PHACTR4: variants seen among roughly 807,000 people sequenced by gnomAD.
PHACTR4 encodes protein phosphatase 1, regulatory subunit 124.
PHACTR4 carries 51 observed loss-of-function variants against 72.7 expected under a neutral mutation model. The observed-to-expected ratio is 0.70, with a 90% CI of 0.56 to 0.89. PHACTR4 has a LOEUF of 0.89. Among genes scored for constraint, PHACTR4 ranks in the 40% least tolerant of loss-of-function variants. The probability of loss-of-function intolerance (pLI) is 0.00; values close to 1 mark genes in which losing one functional copy is unlikely to be tolerated. For missense variants in PHACTR4, 731 were observed against 861.8 expected (o/e 0.85, Z 1.90); for synonymous variants, 255 against 302.5 (o/e 0.84, Z 1.63).
chr1:28,485,417 T>C (rs1301635740), intron 9 of PHACTR4, among the ~76,000 whole-genome samples: 2 of 151,324 alleles, frequency 1.3e-5, no homozygotes, highest in East Asian at 3.9e-4. Context: ...TGAAACCCCA[T>C]CTCTACTAAA....
At chr1:28,465,644 A>G (rs2124482748) in intron 4 of PHACTR4, 41 bp from the exon 5 acceptor site, 1 of 1,573,914 alleles carries the variant, frequency 6.4e-7, no homozygotes, top group Non-Finnish European at 8.6e-7. Flanking sequence ...CTATCTGTTC[A>G]TGCCAACTTC....
Position 28,481,811 on chromosome 1 carries a change from A to G in PHACTR4, c.1760+1207A>G, listed in dbSNP as rs111352709. ...TCTAAAAAAAAAAAAAAGAAAAGAA[A>G]AGAAACAAAAAAATATATATTGGAC... is the stretch of plus-strand genomic sequence containing the variant. On this transcript the variant is annotated intron_variant, in intron 9 of 13. Transcript: ENST00000373839. Among the ~76,000 whole-genome samples, 975 of 127,990 alleles carry G rather than the reference A, an allele frequency of 7.6e-3. 10 individuals carry two copies. Among genetic ancestry groups the G allele is most frequent in the African/African-American group, 0.038 (914 of 24,182 alleles). 84.0% of individuals were successfully genotyped at this position (127,990 alleles called of 152,430 possible).
At chr1:28,395,678 C>CA (rs1653441910) in intron 1 of PHACTR4, among the ~76,000 whole-genome samples, 1 of 140,412 alleles carries the variant, frequency 7.1e-6, no homozygotes, top group Non-Finnish European at 1.5e-5. Flanking sequence ...CTCACTCTGT[C>CA]GCCCAGGCTG....
chr1:28,477,192 T>C (rs1375991226), intron 8 of PHACTR4, among the ~76,000 whole-genome samples: 1 of 151,294 alleles, frequency 6.6e-6, no homozygotes, highest in East Asian at 1.9e-4. Flanking sequence ...TTCAAGCAAT[T>C]CTCCTGCCTC....
chr1:28,457,817 T>C (rs1163928185), intron 2 of PHACTR4: 1 of 985,444 alleles, frequency 1.0e-6, no homozygotes, highest in Non-Finnish European at 1.2e-6. Flanking sequence ...TGACTCTTTT[T>C]TTCTTCCTCT....
At position 28,453,865 on chromosome 1, in the gene PHACTR4, C is replaced by T. The variant is rs544287115; in HGVS notation, c.17-5220C>T. The T allele has an allele frequency of 5.7e-5, 50 of 870,682 alleles. No homozygotes were observed. In the South Asian group the frequency reaches 6.0e-4, roughly 10 times the overall value. The allele number at this position is 870,682 out of a possible 1,614,324, so 53.9% of individuals were successfully genotyped here. A position where few individuals can be genotyped will look rare whatever the true frequency, so the allele number is the denominator to read the frequency against. ...AGCTGTGGACAAAGCATAAAAGTTG[C>T]TACTGGATCAGGACCAAAAGAAGAG... is the stretch of plus-strand genomic sequence containing the variant. On this transcript the variant is annotated intron_variant, in intron 2 of 13. Coordinates refer to ENST00000373839, the MANE Select transcript of PHACTR4 (RefSeq NM_001048183.3).
At chr1:28,467,844 TCTA>T (rs1659299321) in intron 6 of PHACTR4, among the ~76,000 whole-genome samples, 1 of 152,194 alleles carries the variant, frequency 6.6e-6, no homozygotes, top group Non-Finnish European at 1.5e-5. Context: ...TCTATTTAAG[TCTA>T]CTTTCTTTAT....
At chr1:28,417,776 AAG>A (rs1271398518) in intron 2 of PHACTR4, among the ~76,000 whole-genome samples, 1 of 152,140 alleles carries the variant, frequency 6.6e-6, no homozygotes, top group Non-Finnish European at 1.5e-5. Flanking sequence ...AGCAGAGAAA[AAG>A]AAAGTATACC....
intron 2 of PHACTR4, 145 bp from the exon 3 acceptor site, chr1:28,458,940 G>A: frequency 1.6e-6 from 1 of 621,194 alleles, no homozygotes; most frequent in South Asian, 3.4e-5. Flanking sequence ...TCCATGTGAT[G>A]TCCAGGAGTC....
intron 2 of PHACTR4, chr1:28,438,125 C>G: frequency 8.8e-7 from 1 of 1,138,316 alleles, no homozygotes; most frequent in Non-Finnish European, 1.1e-6. Context: ...CAGCTCTACA[C>G]AGTGTGCATT....
chr1:28,433,953 G>C (rs979596405), intron 2 of PHACTR4, among the ~76,000 whole-genome samples: 8 of 151,680 alleles, frequency 5.3e-5, no homozygotes, highest in Non-Finnish European at 1.2e-4. Context: ...GCTAATATTT[G>C]TATTTTTAGT....
At chr1:28,376,575 C>T (rs568150419) in intron 1 of PHACTR4, among the ~76,000 whole-genome samples, 14 of 152,014 alleles carry the variant, frequency 9.2e-5, no homozygotes, top group Non-Finnish European at 1.8e-4. Context: ...GCGATCCACC[C>T]GCCTTGGCCT....
At chr1:28,487,521 A>C (rs962588334) in intron 9 of PHACTR4, among the ~76,000 whole-genome samples, 15 of 147,120 alleles carry the variant, frequency 1.0e-4, no homozygotes, top group African/African-American at 3.5e-4. Context: ...ACACACACAA[A>C]AAAAAAAAAA....
chr1:28,485,360 A>T (rs1222405613), intron 9 of PHACTR4, among the ~76,000 whole-genome samples: 3 of 152,198 alleles, frequency 2.0e-5, no homozygotes, highest in Non-Finnish European at 4.4e-5. Context: ...ACACCGAGGC[A>T]GGCAGATCAC....
At chr1:28,372,611 G>A (rs1405144119) in intron 1 of PHACTR4, among the ~76,000 whole-genome samples, 1 of 152,010 alleles carries the variant, frequency 6.6e-6, no homozygotes, top group Non-Finnish European at 1.5e-5. Flanking sequence ...CAGCACTTTG[G>A]GAGGCTGAGG....
intron 1 of PHACTR4, among the ~76,000 whole-genome samples, chr1:28,387,822 G>C (rs1265569634): frequency 6.6e-6 from 1 of 151,986 alleles, no homozygotes; most frequent in Non-Finnish European, 1.5e-5. Flanking sequence ...CTGCCTCCCA[G>C]GTTCCAGCGA....
intron 1 of PHACTR4, among the ~76,000 whole-genome samples, chr1:28,391,599 C>CTTTT (rs751801605): frequency 5.1e-5 from 5 of 98,806 alleles, no homozygotes; most frequent in African/African-American, 1.2e-4. Flanking sequence ...AAAATATATT[C>CTTTT]TTTTTTTTTT....
chr1:28,399,243 C>G (rs11247801), intron 1 of PHACTR4, among the ~76,000 whole-genome samples: 42,575 of 151,354 alleles, frequency 0.28, 6,085 homozygotes, highest in Middle Eastern at 0.35. Flanking sequence ...ATCCAGGAGG[C>G]GGGGGTTATA....
rs767529032 is a variant in PHACTR4, at chr1:28,473,545, C to T, written c.824-9C>T. On this transcript the variant is annotated splice_polypyrimidine_tract_variant and intron_variant, in intron 6 of 13. Coordinates refer to ENST00000373839, the MANE Select transcript of PHACTR4 (RefSeq NM_001048183.3). ...TCGTGAAATTGATGTGTTGCTCTCT[C>T]TTTTCCAGCTGAACTGTCCCAAGCA... 8 of 1,578,378 alleles carry T rather than the reference C, an allele frequency of 5.1e-6. No homozygotes were observed. The East Asian group carries it at 1.8e-4, about 35-fold the overall frequency.
Sources: allele counts gnomAD v4.1 joint callset (sites outside exome capture counted in the v4.1 genomes callset), GRCh38; gene constraint gnomAD v4.1.1; transcripts MANE v1.5; gene names NCBI Gene and HGNC (gene_info 2026-07-23, HGNC 2026-07-21).